LSM6: variants seen among roughly 807,000 people sequenced by gnomAD.
LSM6 encodes LSM6 homolog, U6 small nuclear RNA and mRNA degradation associated.
Under a neutral mutation model 13.5 loss-of-function variants are expected in LSM6, and 2 were observed. The ratio of observed to expected loss-of-function variants is 0.15; its 90% CI spans 0.06 to 0.47. The LOEUF (loss-of-function observed/expected upper bound fraction) is 0.47, where lower values mean the gene tolerates loss of function less well. LSM6 is among the 20% of genes least tolerant of loss of function. The pLI is 0.97. For missense variants in LSM6, 58 were observed against 96.4 expected (o/e 0.60, Z 1.67); for synonymous variants, 43 against 34.9 (o/e 1.23, Z -0.82).
intron 2 of LSM6, among the ~76,000 whole-genome samples, chr4:146,186,219 C>T (rs1394832405): frequency 6.6e-6 from 1 of 152,196 alleles, no homozygotes; most frequent in Admixed American, 6.5e-5. Flanking sequence ...ACAGTCCATT[C>T]TCGTTCTTTG....
chr4:146,188,974 C>T (rs1730407522), intron 3 of LSM6, among the ~76,000 whole-genome samples: 1 of 147,244 alleles, frequency 6.8e-6, no homozygotes, highest in African/African-American at 2.5e-5. Flanking sequence ...GATTTACTTT[C>T]TGAAAAGCAT....
chr4:146,182,352 A>C (rs1382059168), intron 1 of LSM6, among the ~76,000 whole-genome samples: 1 of 152,246 alleles, frequency 6.6e-6, no homozygotes, highest in African/African-American at 2.4e-5. Flanking sequence ...TGTTCTATAT[A>C]ATACGGACTT....
At chr4:146,187,411 ACAG>A in intron 3 of LSM6, 24 bp downstream of exon 3, 2 of 1,397,504 alleles carry the variant, frequency 1.4e-6, no homozygotes, top group Non-Finnish European at 2.0e-6. Context: ...GCCCTACAGT[ACAG>A]CATTCAAAAT....
chr4:146,181,221 G>T lies in LSM6; in HGVS notation c.-10-1691G>T, dbSNP rs967872784. ...GGCAGTGTAGATTGTCCAAATGATAGCCCAAAATTCAAAGATAATTTCTGA... is the reference window on the plus strand; with the variant it reads ...GGCAGTGTAGATTGTCCAAATGATATCCCAAAATTCAAAGATAATTTCTGA... On this transcript the variant is annotated intron_variant, in intron 1 of 3. Transcript: ENST00000296581. 2.2e-4 allele frequency: 33 copies of T among 152,052 alleles called. 2 individuals are homozygous for T. Among genetic ancestry groups the T allele is most frequent in the Admixed American group, 2.1e-3 (32 of 15,268 alleles). 9.4% of individuals were successfully genotyped at this position (152,052 alleles called of 1,614,324 possible).
intron 1 of LSM6, among the ~76,000 whole-genome samples, chr4:146,176,942 AGT>A (rs1280175006): frequency 9.9e-5 from 15 of 152,084 alleles, no homozygotes; most frequent in African/African-American, 3.6e-4. Flanking sequence ...ACATTGCTGC[AGT>A]GTTTTCCAAA....
At chr4:146,180,509 C>A (rs1268064393) in intron 1 of LSM6, among the ~76,000 whole-genome samples, 1 of 152,166 alleles carries the variant, frequency 6.6e-6, no homozygotes, top group East Asian at 1.9e-4. Context: ...TTAAAATAAC[C>A]TATACTGTCA....
In LSM6 at chr4:146,177,621, AT is replaced by A. The variant is rs201188013; in HGVS notation, c.-11+1818del. 9.2e-3 allele frequency among the ~76,000 whole-genome samples: 1,402 copies of A among 151,832 alleles called. 29 individuals carry two copies. Among genetic ancestry groups the A allele is most frequent in the African/African-American group, 0.032 (1,311 of 41,374 alleles). On this transcript the variant is annotated intron_variant, in intron 1 of 3. Transcript: ENST00000296581. Reference sequence around the variant, plus strand: ...CTCCTCACTTTAAAACCAAAGAACAATTTTTTTTATTTTTATTTATTTTTAT... The same window carrying A: ...CTCCTCACTTTAAAACCAAAGAACAATTTTTTTATTTTTATTTATTTTTAT...
intron 2 of LSM6, chr4:146,183,549 AG>A (rs1375950360): frequency 1.3e-5 from 2 of 152,548 alleles, no homozygotes; most frequent in Non-Finnish European, 2.9e-5. Flanking sequence ...TTAACTTTAT[AG>A]GAAGAATGGT....
intron 2 of LSM6, among the ~76,000 whole-genome samples, chr4:146,186,086 A>G (rs1730343193): frequency 1.3e-5 from 2 of 152,188 alleles, no homozygotes; most frequent in South Asian, 4.1e-4. Context: ...ACAGGTTTGC[A>G]TATTGTGCCT....
In LSM6 at chr4:146,191,348, G is replaced by GT. The variant is rs1387727424; in HGVS notation, c.*1698dup. 7.2e-5 allele frequency: 11 copies of GT among 152,156 alleles called. No homozygotes were observed. Among genetic ancestry groups the GT allele is most frequent in the Non-Finnish European group, 1.3e-4 (9 of 68,032 alleles). The allele number at this position is 152,156 out of a possible 1,614,324, so 9.4% of individuals were successfully genotyped here. ...GTCTCCCACTAATCTGTAGCGTCCTGTTTTTTCTAACTTCTTCCCTGACCT... is the reference window on the plus strand; with the variant it reads ...GTCTCCCACTAATCTGTAGCGTCCTGTTTTTTTCTAACTTCTTCCCTGACCT... On this transcript the variant is annotated 3_prime_UTR_variant, in exon 4 of 4. Coordinates refer to ENST00000296581, the MANE Select transcript of LSM6 (RefSeq NM_007080.3).
intron 1 of LSM6, among the ~76,000 whole-genome samples, chr4:146,180,527 G>A (rs1330565117): frequency 1.3e-5 from 2 of 152,222 alleles, no homozygotes; most frequent in Non-Finnish European, 2.9e-5. Context: ...TCAAGCAACT[G>A]ATAGTCAAGA....
rs755683976 is a variant in LSM6, at chr4:146,189,706, A to T, written c.*50A>T. 8 of 1,411,008 alleles carry T rather than the reference A, an allele frequency of 5.7e-6. No homozygotes were observed. In the East Asian group the frequency reaches 7.0e-5, roughly 12 times the overall value. The allele number at this position is 1,411,008 out of a possible 1,614,324, so 87.4% of individuals were successfully genotyped here. ...CATAGTTGGATATATTTTTTTATGA[A>T]TTTTTTCTAATTTTTGCTTCTTTTG... On this transcript the variant is annotated 3_prime_UTR_variant, in exon 4 of 4. Coordinates refer to ENST00000296581, the MANE Select transcript of LSM6 (RefSeq NM_007080.3).
chr4:146,183,068 C>A, intron 2 of LSM6, 53 bp downstream of exon 2: 1 of 1,286,690 alleles, frequency 7.8e-7, no homozygotes, highest in Non-Finnish European at 1.1e-6. Flanking sequence ...GTAAATGTGA[C>A]TTACTGATAT....
At chr4:146,178,780 C>G (rs1190120267) in intron 1 of LSM6, among the ~76,000 whole-genome samples, 1 of 151,996 alleles carries the variant, frequency 6.6e-6, no homozygotes, top group African/African-American at 2.4e-5. Flanking sequence ...TTTTTTTTCC[C>G]CAGTGCTGCT....
intron 3 of LSM6, among the ~76,000 whole-genome samples, chr4:146,188,401 TGGG>T (rs1033055264): frequency 1.3e-5 from 2 of 150,036 alleles, no homozygotes; most frequent in African/African-American, 4.9e-5. Context: ...CCCTAGGACT[TGGG>T]GGGCAGGGTT....
At position 146,190,731 on chromosome 4, in the gene LSM6, G is replaced by C. The variant is rs189348886; in HGVS notation, c.*1075G>C. ...TTTATTCTCCAAACAGTTTTACGCT[G>C]TCTCTAGGAACAACAAATATATCTG... On this transcript the variant is annotated 3_prime_UTR_variant, in exon 4 of 4. Transcript: ENST00000296581. 2 of 152,368 alleles carry C rather than the reference G, an allele frequency of 1.3e-5. No individual in the cohort carries two copies. Among genetic ancestry groups the C allele is most frequent in the East Asian group, 1.9e-4 (1 of 5,186 alleles). 9.4% of individuals were successfully genotyped at this position (152,368 alleles called of 1,614,324 possible).
chr4:146,186,225 C>T (rs1032371035), intron 2 of LSM6, among the ~76,000 whole-genome samples: 4 of 152,170 alleles, frequency 2.6e-5, no homozygotes. Flanking sequence ...CATTCTCGTT[C>T]TTTGAGAGTT....
intron 1 of LSM6, among the ~76,000 whole-genome samples, chr4:146,177,977 G>A (rs1324501334): frequency 1.3e-5 from 2 of 152,214 alleles, no homozygotes; most frequent in Non-Finnish European, 2.9e-5. Flanking sequence ...GGGAAAATCT[G>A]CATTTTAACA....
intron 1 of LSM6, among the ~76,000 whole-genome samples, chr4:146,176,872 A>G (rs535072388): frequency 1.3e-5 from 2 of 152,220 alleles, no homozygotes; most frequent in East Asian, 3.9e-4. Flanking sequence ...CTAGATTCTC[A>G]GAAGTGAAAT....
Sources: gnomAD v4.1 joint callset for allele counts (sites outside exome capture counted in the v4.1 genomes callset) on GRCh38, gnomAD v4.1.1 for gene constraint, MANE v1.5 for transcripts, NCBI Gene and HGNC (gene_info 2026-07-23, HGNC 2026-07-21) for gene names.